The following NAV2 variants were observed in gnomAD, a reference collection of about 807,000 sequenced individuals.
NAV2 encodes neuron navigator 2.
NAV2 carries 54 observed loss-of-function variants against 223.2 expected under a neutral mutation model. The ratio of observed to expected loss-of-function variants is 0.24; its 90% CI spans 0.19 to 0.30. The LOEUF (loss-of-function observed/expected upper bound fraction) is 0.30, where lower values mean the gene tolerates loss of function less well. Among genes scored for constraint, NAV2 ranks in the 10% least tolerant of loss-of-function variants. The pLI, the probability that NAV2 is intolerant of heterozygous loss-of-function variation, is 1.00. For missense variants in NAV2, 2,806 were observed against 3,147.5 expected, an observed-to-expected ratio of 0.89 and a Z score of 2.60; for synonymous variants, 1,279 against 1,239.3, an observed-to-expected ratio of 1.03 and a Z score of -0.67.
rs1414353134 is a variant in NAV2 at position 19,616,715 on chromosome 11, C to T, written c.76-215769C>T. Among the ~76,000 whole-genome samples, 3 of 151,900 alleles carry T rather than the reference C, an allele frequency of 2.0e-5. No homozygotes were observed. In the South Asian group the frequency reaches 6.2e-4, roughly 32 times the overall value. On this transcript the variant is annotated intron_variant, in intron 1 of 37. Transcript: ENST00000360655. ...GGGTGACACTAGGCCTAGGATGGCT[C>T]CTCTGGCATAAGTGGTGAGAGGGCT... is the stretch of plus-strand genomic sequence containing the variant.
At chr11:19,401,144 G>A (rs1245024328) in intron 1 of NAV2, among the ~76,000 whole-genome samples, 1 of 152,144 alleles carries the variant, frequency 6.6e-6, no homozygotes, top group Non-Finnish European at 1.5e-5. Flanking sequence ...GTGGGTTGTA[G>A]CCCATAAAAT....
At chr11:19,730,474 G>A (rs2051665118) in intron 1 of NAV2, among the ~76,000 whole-genome samples, 1 of 152,214 alleles carries the variant, frequency 6.6e-6, no homozygotes, top group Non-Finnish European at 1.5e-5. Context: ...GGGCCTGTTG[G>A]GGCCCTCGGT....
At chr11:20,042,193 A>G (rs1346838814) in intron 12 of NAV2, among the ~76,000 whole-genome samples, 1 of 152,220 alleles carries the variant, frequency 6.6e-6, no homozygotes, top group East Asian at 1.9e-4. Flanking sequence ...GGGCAACTTT[A>G]GTTTCTGTAA....
At chr11:19,546,933 A>G (rs1032382609) in intron 1 of NAV2, among the ~76,000 whole-genome samples, 1 of 152,164 alleles carries the variant, frequency 6.6e-6, no homozygotes, top group Admixed American at 6.5e-5. Flanking sequence ...GGTCTGGGAG[A>G]TGATCAGTTG....
At chr11:19,393,309 A>G (rs945675451) in intron 1 of NAV2, among the ~76,000 whole-genome samples, 14 of 152,236 alleles carry the variant, frequency 9.2e-5, no homozygotes, top group African/African-American at 3.4e-4. Context: ...GGTGCCAGAC[A>G]GGCCTATATG....
intron 1 of NAV2, among the ~76,000 whole-genome samples, chr11:19,548,375 A>G (rs991672956): frequency 1.4e-4 from 21 of 152,138 alleles, no homozygotes; most frequent in Non-Finnish European, 4.4e-5. Context: ...ACCTGTGCCT[A>G]TATACCCTAG....
Position 20,075,217 on chromosome 11 carries a change from GTTTTGT to G in NAV2, c.4984-2330_4984-2325del, listed in dbSNP as rs1468891713. On this transcript the variant is annotated intron_variant, in intron 22 of 37. Transcript: ENST00000349880. ...CTGTCTCCATGTTTTTTGTTTTTTT[GTTTTGT>G]TTTTTTTTTTTTTGAGACAGAGTCT... 2.7e-4 allele frequency among the ~76,000 whole-genome samples: 27 copies of G among 100,702 alleles called. No individual in the cohort carries two copies. The East Asian group carries it at 6.6e-3, about 25-fold the overall frequency. The allele number at this position is 100,702 out of a possible 152,430, so 66.1% of individuals were successfully genotyped here. A position where few individuals can be genotyped will look rare whatever the true frequency, so the allele number is the denominator to read the frequency against.
At chr11:19,601,578 G>A (rs1259431453) in intron 1 of NAV2, among the ~76,000 whole-genome samples, 1 of 152,074 alleles carries the variant, frequency 6.6e-6, no homozygotes, top group Admixed American at 6.5e-5. Context: ...TCTGGTAATG[G>A]GGAAATGGGA....
intron 1 of NAV2, among the ~76,000 whole-genome samples, chr11:19,695,873 C>T (rs2049317263): frequency 5.1e-5 from 1 of 19,516 alleles, no homozygotes; most frequent in South Asian, 1.9e-3. Context: ...CAGTGTACTC[C>T]AGCCTGGATG....
At chr11:19,845,589 G>A (rs1228073048) in intron 3 of NAV2, among the ~76,000 whole-genome samples, 1 of 152,192 alleles carries the variant, frequency 6.6e-6, no homozygotes, top group Non-Finnish European at 1.5e-5. Context: ...CCAGTTTTCA[G>A]TGGGTCAGTT....
chr11:19,984,095 C>T, intron 10 of NAV2, 30 bp from the exon 11 acceptor site: 3 of 1,613,836 alleles, frequency 1.9e-6, no homozygotes, highest in Non-Finnish European at 2.5e-6. Context: ...TTTGGACATT[C>T]ATGTGCATCA....
At chr11:19,891,572 T>C (rs1303785565) in intron 5 of NAV2, among the ~76,000 whole-genome samples, 2 of 152,214 alleles carry the variant, frequency 1.3e-5, no homozygotes, top group Admixed American at 6.5e-5. Flanking sequence ...GAAGAATATA[T>C]GATGTTATCC....
chr11:19,479,005 G>T (rs2042202927), intron 1 of NAV2, among the ~76,000 whole-genome samples: 1 of 152,186 alleles, frequency 6.6e-6, no homozygotes, highest in Non-Finnish European at 1.5e-5. Context: ...GGTCTGGGCA[G>T]ATTCTACAGA....
intron 17 of NAV2, among the ~76,000 whole-genome samples, chr11:20,052,758 T>C (rs1009640766): frequency 1.3e-5 from 2 of 152,204 alleles, no homozygotes; most frequent in Non-Finnish European, 2.9e-5. Context: ...TCCCTCTCAC[T>C]CTGATTCTTC....
intron 14 of NAV2, among the ~76,000 whole-genome samples, chr11:20,046,596 T>TCACACACACACA (rs61668060): frequency 0.056 from 8,201 of 145,824 alleles, 271 homozygotes; most frequent in Middle Eastern, 0.082. Context: ...CCCCTCCCCA[T>TCACACACACACA]CACACACACA....
At chr11:19,495,719 A>C (rs905577680) in intron 1 of NAV2, among the ~76,000 whole-genome samples, 1 of 152,056 alleles carries the variant, frequency 6.6e-6, no homozygotes, top group African/African-American at 2.4e-5. Flanking sequence ...CATATATCTA[A>C]CTTTATATTG....
chr11:20,048,788 T>C lies in NAV2; in HGVS notation c.3963T>C (p.Asn1321=), dbSNP rs758502520. Residue 1321 remains asparagine (N), a synonymous_variant, in exon 15 of 38, where the codon AAT becomes AAC. Coordinates refer to ENST00000349880, the MANE Select transcript of NAV2 (RefSeq NM_145117.5). ...TCGCCACAGCTGAAAACATGAAAAA[T>C]TCGGTGGTCATCTCCAATCCTCATG... ...VPIATAENMK[N]SVVISNPHAT... 5.0e-6 allele frequency: 8 copies of C among 1,613,872 alleles called. No homozygotes were observed. In the East Asian group the frequency reaches 1.6e-4, roughly 31 times the overall value.
At chr11:19,382,437 G>A (rs1435236221) in intron 1 of NAV2, among the ~76,000 whole-genome samples, 1 of 152,176 alleles carries the variant, frequency 6.6e-6, no homozygotes, top group Non-Finnish European at 1.5e-5. Context: ...GAACTTGTCG[G>A]GGAGTCAAGC....
intron 12 of NAV2, among the ~76,000 whole-genome samples, chr11:20,036,723 A>G (rs1200432854): frequency 6.6e-6 from 1 of 152,154 alleles, no homozygotes; most frequent in Non-Finnish European, 1.5e-5. Context: ...AAACAAAGAT[A>G]TTGCTTCCTT....
Sources: gnomAD v4.1 joint callset for allele counts (sites outside exome capture counted in the v4.1 genomes callset) on GRCh38, gnomAD v4.1.1 for gene constraint, MANE v1.5 for transcripts, NCBI Gene and HGNC (gene_info 2026-07-23, HGNC 2026-07-21) for gene names.